The following MYH7B variants were observed in gnomAD, a reference collection of about 807,000 sequenced individuals.
MYH7B encodes the protein myosin heavy chain 7B.
MYH7B carries 205 observed loss-of-function variants against 234.5 expected under a neutral mutation model. That is an observed-to-expected ratio of 0.87 (90% CI 0.78 to 0.98). The LOEUF (loss-of-function observed/expected upper bound fraction) is 0.98. Among genes scored for constraint, MYH7B ranks in the 50% least tolerant of loss-of-function variants. The pLI is 0.00. For missense variants in MYH7B, 2,652 were observed against 2,633.4 expected, an observed-to-expected ratio of 1.01 and a Z score of -0.15; for synonymous variants, 1,193 against 1,105.0, an observed-to-expected ratio of 1.08 and a Z score of -1.58.
rs769827659 is a variant in MYH7B, at chr20:34,998,755, C to A, written c.4030C>A (p.Arg1344=). The A allele has an allele frequency of 3.1e-6, 5 of 1,612,296 alleles. No homozygotes were observed. The East Asian group carries it at 1.1e-4, about 36-fold the overall frequency. ...CCTGGCCCACGCCGTGCAGGCTCTG[C>A]GGCACGACTGTGACCTCCTGCGGGA... is the stretch of plus-strand genomic sequence containing the variant. The change falls in exon 35 of 45, where the codon CGG becomes AGG. Residue 1344 remains arginine, a synonymous_variant. Transcript: ENST00000262873.
chr20:34,997,625 T>A lies in MYH7B; in HGVS notation c.3732T>A (p.Thr1244=), dbSNP rs2082287941. The change falls in exon 32 of 45, where the codon ACT becomes ACA. Residue 1244 remains threonine, a synonymous_variant. Coordinates refer to ENST00000262873, the Ensembl canonical transcript of MYH7B. ...ACGACCTGGCTGCCAACGTGGAGAC[T>A]CTGACCCGCGCCAAGGTGTCCGTGC... 1.9e-6 allele frequency: 3 copies of A among 1,612,614 alleles called. No individual in the cohort carries two copies. The South Asian group carries it at 3.3e-5, about 18-fold the overall frequency.
chr20:34,970,680 A>G (rs1306100288), intron 2 of MYH7B, among the ~76,000 whole-genome samples: 1 of 152,158 alleles, frequency 6.6e-6, no homozygotes, highest in African/African-American at 2.4e-5. Flanking sequence ...GGGCCTGAGC[A>G]TTGTCTACAG....
At chr20:34,975,963 T>G (rs1444029943) in intron 3 of MYH7B, among the ~76,000 whole-genome samples, 1 of 151,448 alleles carries the variant, frequency 6.6e-6, no homozygotes, top group African/African-American at 2.4e-5. Flanking sequence ...TGATCCGCCC[T>G]CCTCGGCCTC....
In MYH7B at chr20:34,986,561, G is replaced by C. The variant is rs114189308; in HGVS notation, c.905-325G>C. Among the ~76,000 whole-genome samples, 1,118 of 152,336 alleles carry C rather than the reference G, an allele frequency of 7.3e-3. 12 individuals are homozygous for C. The highest frequency in any genetic ancestry group is 0.024 in the African/African-American group (990 of 41,582). ...GGTCTTCCCTGTGCGCCAGCATCTAGCATGGGATCTGGGCCAGAGGGGGCC... is the reference window on the plus strand; with the variant it reads ...GGTCTTCCCTGTGCGCCAGCATCTACCATGGGATCTGGGCCAGAGGGGGCC... On this transcript the variant is annotated intron_variant, in intron 14 of 44. Transcript: ENST00000262873.
At chr20:34,976,229 C>T (rs1308425853) in intron 3 of MYH7B, among the ~76,000 whole-genome samples, 4 of 152,154 alleles carry the variant, frequency 2.6e-5, no homozygotes, top group Non-Finnish European at 5.9e-5. Context: ...TCACCATAGG[C>T]GAGTTTTGCC....
intron 2 of MYH7B, among the ~76,000 whole-genome samples, chr20:34,972,258 TC>T (rs2147158700): frequency 6.6e-6 from 1 of 152,204 alleles, no homozygotes; most frequent in South Asian, 2.1e-4. Flanking sequence ...TGGAAAACTC[TC>T]CCCTTGTTGA....
intron 24 of MYH7B, among the ~76,000 whole-genome samples, chr20:34,991,678 T>C (rs775829780): frequency 6.6e-6 from 1 of 152,126 alleles, no homozygotes; most frequent in Admixed American, 6.5e-5. Flanking sequence ...ACCTGGCACA[T>C]AGCAAGCACC....
At chr20:34,982,521 T>A in exon 10 of MYH7B, 1 of 1,612,006 alleles carries the variant, frequency 6.2e-7, no homozygotes, top group South Asian at 1.1e-5. Context: ...TTTGCCATCG[T>A]CGCTGCCCTG....
At chr20:34,999,461 G>T in intron 36 of MYH7B, 56 bp downstream of exon 36, 1 of 1,522,752 alleles carries the variant, frequency 6.6e-7, no homozygotes, top group South Asian at 1.3e-5. Context: ...GAGCAACTTT[G>T]AGTTATGGGG....
At chr20:34,989,069 T>G (rs1600444796) in intron 19 of MYH7B, among the ~76,000 whole-genome samples, 1 of 152,314 alleles carries the variant, frequency 6.6e-6, no homozygotes, top group Non-Finnish European at 1.5e-5. Flanking sequence ...CTTGGCCTCC[T>G]AAAGTGCTGG....
At chr20:34,996,419 T>C in exon 29 of MYH7B, 3 of 1,613,318 alleles carry the variant, frequency 1.9e-6, no homozygotes, top group Non-Finnish European at 2.5e-6. Context: ...AAGAAGGCGT[T>C]GCAGGAGGCC....
At chr20:35,001,573 GC>G in intron 43 of MYH7B, 47 bp downstream of exon 43, 1 of 1,526,064 alleles carries the variant, frequency 6.6e-7, no homozygotes, top group Non-Finnish European at 8.9e-7. Flanking sequence ...CCCCAGCTCT[GC>G]CCCAGGGTCT....
chr20:34,986,975 C>A, exon 15 of MYH7B: 1 of 1,613,856 alleles, frequency 6.2e-7, no homozygotes, highest in Non-Finnish European at 8.5e-7. Context: ...TGGGGAGGAG[C>A]TCATCGCCAC....
exon 45 of MYH7B, chr20:35,002,196 A>G: frequency 6.6e-7 from 1 of 1,523,228 alleles, no homozygotes; most frequent in Non-Finnish European, 8.8e-7. Context: ...TGACGGCCTG[A>G]CCCCCTGGGC....
At chr20:34,999,979 T>C (rs1019437911) in intron 38 of MYH7B, 73 bp downstream of exon 38, 81 of 1,355,910 alleles carry the variant, frequency 6.0e-5, no homozygotes, top group Non-Finnish European at 7.5e-5. Context: ...CTCTGCTCTC[T>C]AGTCTGTCCC....
intron 24 of MYH7B, 152 bp from the exon 25 acceptor site, chr20:34,992,950 C>T: frequency 1.1e-6 from 1 of 927,870 alleles, no homozygotes; most frequent in South Asian, 1.6e-5. Flanking sequence ...TTGGCATGTG[C>T]CCTGCTGGAA....
chr20:34,972,444 A>G (rs1212000111), intron 2 of MYH7B, among the ~76,000 whole-genome samples: 1 of 151,962 alleles, frequency 6.6e-6, no homozygotes, highest in Non-Finnish European at 1.5e-5. Context: ...CTCACCCACC[A>G]GAACGAAGTA....
At chr20:34,988,173 G>A in exon 19 of MYH7B, 1 of 1,614,216 alleles carries the variant, frequency 6.2e-7, no homozygotes, top group Non-Finnish European at 8.5e-7. Context: ...GTTTGTGCTG[G>A]AGCAGGAGGA....
chr20:34,996,845 T>C (rs1432984379), intron 30 of MYH7B, 87 bp downstream of exon 30: 10 of 1,536,962 alleles, frequency 6.5e-6, no homozygotes, highest in East Asian at 4.5e-5. Context: ...TCCTGCGGCA[T>C]TGCAGAGGTT....
Sources: gnomAD v4.1 joint callset for allele counts (sites outside exome capture counted in the v4.1 genomes callset) on GRCh38, gnomAD v4.1.1 for gene constraint, MANE v1.5 for transcripts, NCBI Gene and HGNC (gene_info 2026-07-23, HGNC 2026-07-21) for gene names.